Variants in RALGDS observed in about 807,000 individuals in gnomAD.
RALGDS encodes the protein ral guanine nucleotide dissociation stimulator.
A neutral mutation model predicts 99.8 loss-of-function variants in RALGDS; 44 were observed. The ratio of observed to expected loss-of-function variants is 0.44; its 90% CI spans 0.35 to 0.57. The LOEUF is 0.57. Among genes scored for constraint, RALGDS ranks in the 20% least tolerant of loss-of-function variants. The pLI is 0.01. For missense variants in RALGDS, 1,022 were observed against 1,203.1 expected (o/e 0.85, Z 2.23); for synonymous variants, 529 against 505.0 (o/e 1.05, Z -0.64).
chr9:133,112,256 G>T, intron 1 of RALGDS, 104 bp from the exon 2 acceptor site: 1 of 769,896 alleles, frequency 1.3e-6, no homozygotes, highest in East Asian at 2.7e-5. Flanking sequence ...ATAGGGCACA[G>T]ACTGGCGGCT....
upstream of RALGDS, among the ~76,000 whole-genome samples, chr9:133,121,478 G>A (rs532531359): frequency 2.5e-3 from 377 of 152,294 alleles, 1 homozygote; most frequent in African/African-American, 8.8e-3. Flanking sequence ...TGGGTCTCCC[G>A]GAGGACCGGC....
intron 9 of RALGDS, among the ~76,000 whole-genome samples, 167 bp downstream of exon 9, chr9:133,105,765 T>C (rs1830987877): frequency 6.6e-6 from 1 of 151,620 alleles, no homozygotes; most frequent in Non-Finnish European, 1.5e-5. Context: ...TCTTCCCCCT[T>C]CACGCACACG....
rs571432292 is a variant in RALGDS, at chr9:133,120,946, C to G, written c.183+26G>C. The G allele has an allele frequency of 2.8e-4, 412 of 1,473,532 alleles. 1 individual carries two copies. The Middle Eastern group carries it at 3.5e-3, about 12-fold the overall frequency. The allele number at this position is 1,473,532 out of a possible 1,614,324, so 91.3% of individuals were successfully genotyped here. A position where few individuals can be genotyped will look rare whatever the true frequency, so the allele number is the denominator to read the frequency against. ...GGGTGGGGAGGCTCCGACGCACCCC[C>G]CGCCCGACCGCCCCAGCTCACCCAC... On this transcript the variant is annotated intron_variant, in intron 1 of 17. Coordinates refer to ENST00000372050, the MANE Select transcript of RALGDS (RefSeq NM_006266.4).
chr9:133,135,823 G>A (rs189987151), upstream of RALGDS, among the ~76,000 whole-genome samples: 16 of 152,312 alleles, frequency 1.1e-4, no homozygotes, highest in Non-Finnish European at 1.8e-4. Context: ...CACATGCTCC[G>A]TGTCAAAAAA....
intron 1 of RALGDS, among the ~76,000 whole-genome samples, chr9:133,137,198 A>G (rs1392001145): frequency 1.3e-5 from 2 of 152,012 alleles, no homozygotes; most frequent in African/African-American, 4.8e-5. Flanking sequence ...GTGCCACTGC[A>G]CTCCAGCCTG....
chr9:133,112,244 A>C, intron 1 of RALGDS, 92 bp from the exon 2 acceptor site: 1 of 837,884 alleles, frequency 1.2e-6, no homozygotes. Context: ...CCTGTTTCCC[A>C]GATAGGGCAC....
chr9:133,145,662 G>A (rs904308391), intron 1 of RALGDS, among the ~76,000 whole-genome samples: 2 of 152,132 alleles, frequency 1.3e-5, no homozygotes, highest in African/African-American at 4.8e-5. Context: ...CAGCCCCTGA[G>A]GCTCAGAGAG....
chr9:133,126,834 T>G (rs1832177709), intron 1 of RALGDS, among the ~76,000 whole-genome samples: 1 of 152,120 alleles, frequency 6.6e-6, no homozygotes. Flanking sequence ...CTTGGGCATC[T>G]TAAGTCACTC....
chr9:133,148,191 A>T (rs1286724835), intron 1 of RALGDS, among the ~76,000 whole-genome samples: 1 of 152,172 alleles, frequency 6.6e-6, no homozygotes, highest in East Asian at 1.9e-4. Context: ...CCTTGGAGTC[A>T]CCCAGGCCAA....
At chr9:133,103,697 G>C (rs777310802) in intron 11 of RALGDS, 50 bp downstream of exon 11, 1 of 1,578,596 alleles carries the variant, frequency 6.3e-7, no homozygotes, top group East Asian at 2.2e-5. Flanking sequence ...CAGGGCTCAG[G>C]GAAGGTCTCT....
intron 1 of RALGDS, among the ~76,000 whole-genome samples, chr9:133,143,846 T>C (rs1168473070): frequency 6.7e-6 from 1 of 148,672 alleles, no homozygotes; most frequent in African/African-American, 2.6e-5. Flanking sequence ...TTCCACTCAT[T>C]CCACTCCTGG....
At chr9:133,107,415 A>G in intron 6 of RALGDS, 115 bp from the exon 7 acceptor site, 1 of 959,928 alleles carries the variant, frequency 1.0e-6, no homozygotes, top group Non-Finnish European at 1.6e-6. Flanking sequence ...TCCCGTGTCC[A>G]TGCAGGGTGC....
At chr9:133,101,431 G>C in intron 16 of RALGDS, 89 bp downstream of exon 16, 1 of 1,598,694 alleles carries the variant, frequency 6.3e-7, no homozygotes, top group East Asian at 2.2e-5. Flanking sequence ...CTACAAGGTA[G>C]ACCCCGGGAG....
At chr9:133,137,832 A>G (rs893969908) in intron 1 of RALGDS, among the ~76,000 whole-genome samples, 1 of 151,188 alleles carries the variant, frequency 6.6e-6, no homozygotes, top group Non-Finnish European at 1.5e-5. Context: ...CTCTGTTCAC[A>G]GGTAAGTAGA....
chr9:133,129,355 G>A (rs1832264722), intron 1 of RALGDS: 1 of 1,532,456 alleles, frequency 6.5e-7, no homozygotes, highest in African/African-American at 1.4e-5. Context: ...GGGCCCTGCG[G>A]GAGGCCCTCT....
Position 133,101,760 on chromosome 9 carries a change from G to T in RALGDS, c.2214C>A (p.Phe738Leu). The T allele has an allele frequency of 6.2e-7, 1 of 1,605,614 alleles. No individual in the cohort carries two copies. The highest frequency in any genetic ancestry group is 1.1e-5 in the South Asian group (1 of 90,172). ...PESPDGQEKK[F>L]WESASQSSPE... Reference sequence around the variant, plus strand: ...GGGATGACTGTGAGGCTGATTCCCAGAACTGAGGGAGACGGTAAGATCAGC... The same window carrying T: ...GGGATGACTGTGAGGCTGATTCCCATAACTGAGGGAGACGGTAAGATCAGC... Residue 738 changes from phenylalanine to leucine, a missense_variant and splice_region_variant, in exon 16 of 18, where the codon TTC (phenylalanine) becomes TTA (leucine). Transcript: ENST00000372050.
intron 11 of RALGDS, 62 bp from the exon 12 acceptor site, chr9:133,103,324 C>A: frequency 6.2e-7 from 1 of 1,600,030 alleles, no homozygotes; most frequent in Non-Finnish European, 8.6e-7. Flanking sequence ...AGTCTCCCCA[C>A]CTCATGCTGC....
At chr9:133,134,619 G>T (rs960626866), upstream of RALGDS, among the ~76,000 whole-genome samples, 1 of 152,154 alleles carries the variant, frequency 6.6e-6, no homozygotes, top group African/African-American at 2.4e-5. Flanking sequence ...AAGTAGATTT[G>T]TTCCAGGCAG....
At chr9:133,106,998 G>A in intron 7 of RALGDS, 87 bp downstream of exon 7, 2 of 1,437,524 alleles carry the variant, frequency 1.4e-6, no homozygotes, top group Non-Finnish European at 1.9e-6. Context: ...AGGGTAGACT[G>A]GGGCCTGTAC....
Sources: allele counts gnomAD v4.1 joint callset (sites outside exome capture counted in the v4.1 genomes callset), GRCh38; gene constraint gnomAD v4.1.1; transcripts MANE v1.5; gene names NCBI Gene and HGNC (gene_info 2026-07-23, HGNC 2026-07-21).